ASMT: variants seen among roughly 807,000 people sequenced by gnomAD.
ASMT encodes the protein acetylserotonin O-methyltransferase.
Under a neutral mutation model 41.3 loss-of-function variants are expected in ASMT, and 53 were observed. The ratio of observed to expected loss-of-function variants is 1.28; its 90% CI spans 1.03 to 1.61. ASMT has a LOEUF of 1.61. ASMT is among the 40% of genes most tolerant of loss of function. ASMT has a pLI of 0.00. For missense variants in ASMT, 531 were observed against 441.3 expected, an observed-to-expected ratio of 1.20 and a Z score of -1.82; for synonymous variants, 231 against 184.8, an observed-to-expected ratio of 1.25 and a Z score of -2.03.
intron 1 of ASMT, among the ~76,000 whole-genome samples, 181 bp downstream of exon 1, chrX:1,615,449 G>C (rs768969542): frequency 6.6e-6 from 1 of 152,104 alleles, no homozygotes; most frequent in East Asian, 1.9e-4. Context: ...TGCCCAGGGT[G>C]GTCTGGGGAC....
intron 1 of ASMT, among the ~76,000 whole-genome samples, chrX:1,615,523 C>T (rs1176589147): frequency 1.1e-4 from 17 of 152,038 alleles, no homozygotes; most frequent in East Asian, 1.9e-4. Flanking sequence ...GTACATTGGG[C>T]CAGTCGTGGT....
chrX:1,627,638 T>G (rs768890772), intron 3 of ASMT, 65 bp from the exon 4 acceptor site: 10 of 408,390 alleles, frequency 2.4e-5, no homozygotes, highest in Non-Finnish European at 3.3e-5. Flanking sequence ...TGAAACGAAA[T>G]GAAATGAAAT....
intron 3 of ASMT, among the ~76,000 whole-genome samples, chrX:1,625,528 A>AGAAGGAAGGAAG (rs571574132): frequency 8.0e-5 from 8 of 99,812 alleles, no homozygotes; most frequent in African/African-American, 2.8e-4. Flanking sequence ...GAGAGAGGGG[A>AGAAGGAAGGAAG]GAAGGAAGGA....
intron 7 of ASMT, among the ~76,000 whole-genome samples, chrX:1,634,992 T>TTCAGACG (rs1250615172): frequency 7.1e-6 from 1 of 140,890 alleles, no homozygotes; most frequent in African/African-American, 2.8e-5. Context: ...TTTTTTTTTT[T>TTCAGACG]GAGATGGAGT....
rs761298192 is a variant in ASMT at position 1,637,257 on chromosome X, A to T, written c.910+697A>T. Among the ~76,000 whole-genome samples, 4 of 6,214 alleles carry T rather than the reference A, an allele frequency of 6.4e-4. 1 individual carries two copies. Among genetic ancestry groups the T allele is most frequent in the Non-Finnish European group, 1.1e-3 (4 of 3,606 alleles). 4.1% of individuals were successfully genotyped at this position (6,214 alleles called of 152,430 possible). A position where few individuals can be genotyped will look rare whatever the true frequency, so the allele number is the denominator to read the frequency against. On this transcript the variant is annotated intron_variant, in intron 8 of 8. Coordinates refer to ENST00000381241, the MANE Select transcript of ASMT (RefSeq NM_001171038.2). ...CAGCCTCTGTGTGTGTGATGGGGAC[A>T]GTGTCCCAGTGTCCTGTGAGATCCA... is the stretch of plus-strand genomic sequence containing the variant.
chrX:1,636,613 G>A, intron 8 of ASMT, 53 bp downstream of exon 8: 2 of 1,613,210 alleles, frequency 1.2e-6, no homozygotes, highest in Non-Finnish European at 1.7e-6. Flanking sequence ...GGGCAGAATT[G>A]TACGAGTCAC....
In ASMT at chrX:1,624,280, AAC is replaced by A; in HGVS notation, c.260_261del (p.Thr87ArgfsTer53). On this transcript the variant is annotated frameshift_variant, in exon 3 of 9. Coordinates refer to ENST00000381241, the MANE Select transcript of ASMT (RefSeq NM_001171038.2). LOFTEE classifies it high-confidence loss of function. Reference protein sequence around the residue: ...ETRGGKAFYRNTELSSDYLTT... With the variant: ...ETRGGKAFYRXTELSSDYLTT... ...TGTGTGTGTTTCAGCTTTCTATCGA[AAC>A]ACAGAGCTGTCCAGCGACTACCTGA... 1 of 1,613,880 alleles carries A rather than the reference AAC, an allele frequency of 6.2e-7. No homozygotes were observed. The highest frequency in any genetic ancestry group is 2.2e-5 in the East Asian group (1 of 44,866).
chrX:1,625,551 A>AGGGAGGGAGGGAGGGACAGGGG, intron 3 of ASMT, among the ~76,000 whole-genome samples: 1 of 65,314 alleles, frequency 1.5e-5, no homozygotes, highest in African/African-American at 5.7e-5. Context: ...GAAGGGAGGG[A>AGGGAGGGAGGGAGGGACAGGGG]GGGAGGGAGG....
rs1331135942 is a variant in ASMT at position 1,623,275 on chromosome X, C to T, written c.206C>T (p.Ser69Phe). 1 of 1,613,922 alleles carries T rather than the reference C, an allele frequency of 6.2e-7. No individual in the cohort carries two copies. The highest frequency in any genetic ancestry group is 1.7e-5 in the Admixed American group (1 of 59,988). Residue 69 changes from serine to phenylalanine, a missense_variant, in exon 2 of 9, where the codon TCC (serine) becomes TTC (phenylalanine). By Grantham distance (155) the Ser-to-Phe change is radical (BLOSUM62 -2). Transcript: ENST00000381241. ...GTELLLDICV[S>F]LKLLKVETRG... is the part of the protein sequence containing the mutation. ...GAGCTCCTGCTGGACATCTGTGTGT[C>T]CCTGAAGCTGCTGAAAGTGGAGACG...
At chrX:1,628,042 C>T (rs1159074713) in intron 4 of ASMT, 33 of 536,734 alleles carry the variant, frequency 6.1e-5, no homozygotes, top group East Asian at 1.3e-4. Context: ...AGGCACGCGC[C>T]GGGCGCGGTG....
At chrX:1,641,538 G>A (rs1196521684) in intron 8 of ASMT, among the ~76,000 whole-genome samples, 46 of 143,348 alleles carry the variant, frequency 3.2e-4, no homozygotes, top group Non-Finnish European at 6.1e-4. Context: ...GTTGGGGACA[G>A]TGTCCCAGTT....
chrX:1,642,929 A>G lies in ASMT; in HGVS notation c.1037A>G (p.His346Arg). Reference protein sequence around the residue: ...EGQERTPTHYHMLLSSAGFRD... With the variant: ...EGQERTPTHYRMLLSSAGFRD... Reference sequence around the variant, plus strand: ...CAGGAGAGGACCCCCACCCACTACCACATGCTCCTCTCTTCTGCTGGCTTC... The same window carrying G: ...CAGGAGAGGACCCCCACCCACTACCGCATGCTCCTCTCTTCTGCTGGCTTC... Residue 346 changes from histidine to arginine, a missense_variant, in exon 9 of 9, where the codon CAC (histidine) becomes CGC (arginine). Coordinates refer to ENST00000381241, the MANE Select transcript of ASMT (RefSeq NM_001171038.2). The G allele has an allele frequency of 6.2e-7, 1 of 1,613,990 alleles. No individual in the cohort carries two copies. Among genetic ancestry groups the G allele is most frequent in the Non-Finnish European group, 8.5e-7 (1 of 1,179,872 alleles).
rs573658662 is a variant in ASMT at position 1,642,527 on chromosome X, C to T, written c.911-276C>T. Among the ~76,000 whole-genome samples the T allele has an allele frequency of 1.5e-3, 225 of 146,156 alleles. 1 individual carries two copies. Among genetic ancestry groups the T allele is most frequent in the Non-Finnish European group, 2.5e-3 (167 of 66,980 alleles). Reference sequence around the variant, plus strand: ...AGCCTCTGTGTGTGTGTGATGGGGACGGTGTCCCAGTTCTCCTGTGAGGTC... The same window carrying T: ...AGCCTCTGTGTGTGTGTGATGGGGATGGTGTCCCAGTTCTCCTGTGAGGTC... On this transcript the variant is annotated intron_variant, in intron 8 of 8. Transcript: ENST00000381241.
At chrX:1,626,194 G>C (rs1166519991) in intron 3 of ASMT, among the ~76,000 whole-genome samples, 1 of 151,066 alleles carries the variant, frequency 6.6e-6, no homozygotes. Context: ...TTCAAGCTAT[G>C]GTAAAGAGAA....
chrX:1,629,964 C>G (rs752074421), intron 5 of ASMT, 25 bp downstream of exon 5: 2 of 1,564,170 alleles, frequency 1.3e-6, no homozygotes. Context: ...CCACTAATAC[C>G]TCGGAGGTGT....
chrX:1,636,707 G>A, intron 8 of ASMT, 147 bp downstream of exon 8: 1 of 1,197,192 alleles, frequency 8.4e-7, no homozygotes, highest in Non-Finnish European at 1.2e-6. Flanking sequence ...ATAACGACCT[G>A]AAATAAATAG....
At chrX:1,640,903 T>C (rs1395831457) in intron 8 of ASMT, among the ~76,000 whole-genome samples, 3 of 6,580 alleles carry the variant, frequency 4.6e-4, no homozygotes, top group East Asian at 8.8e-3. Context: ...GTGAGATCCA[T>C]CCATCCTGAT....
At chrX:1,622,625 AG>A (rs1934375936) in intron 1 of ASMT, among the ~76,000 whole-genome samples, 1 of 151,826 alleles carries the variant, frequency 6.6e-6, no homozygotes, top group East Asian at 1.9e-4. Flanking sequence ...TATGGAAAAC[AG>A]GGTGGGGCCA....
rs188778928 is a variant in ASMT, at chrX:1,635,995, G to A, written c.788-443G>A. 2.9e-3 allele frequency among the ~76,000 whole-genome samples: 418 copies of A among 144,846 alleles called. 3 individuals are homozygous for A. Among genetic ancestry groups the A allele is most frequent in the African/African-American group, 9.2e-3 (364 of 39,428 alleles). ...TTTTTTTGGAGACAGTCTCGCTGTC[G>A]CCCAGGCTGGAGTGCAATGGTGCAA... is the stretch of plus-strand genomic sequence containing the variant. On this transcript the variant is annotated intron_variant, in intron 7 of 8. Coordinates refer to ENST00000381241, the MANE Select transcript of ASMT (RefSeq NM_001171038.2).
Sources: allele counts gnomAD v4.1 joint callset (sites outside exome capture counted in the v4.1 genomes callset), GRCh38; gene constraint gnomAD v4.1.1; transcripts MANE v1.5; gene names NCBI Gene and HGNC (gene_info 2026-07-23, HGNC 2026-07-21).